The following EIF2B3 variants were observed in gnomAD, a reference collection of about 807,000 sequenced individuals.
The protein encoded by EIF2B3 is eukaryotic translation initiation factor 2B subunit gamma.
A neutral mutation model predicts 54.1 loss-of-function variants in EIF2B3; 20 were observed. That is an observed-to-expected ratio of 0.37 (90% CI 0.26 to 0.54). The LOEUF (loss-of-function observed/expected upper bound fraction) is 0.54, where lower values mean the gene tolerates loss of function less well. Among genes scored for constraint, EIF2B3 ranks in the 20% least tolerant of loss-of-function variants. The probability of loss-of-function intolerance (pLI) is 0.86; values close to 1 mark genes in which losing one functional copy is unlikely to be tolerated. For missense variants in EIF2B3, 448 were observed against 547.8 expected (o/e 0.82, Z 1.82); for synonymous variants, 153 against 188.1 (o/e 0.81, Z 1.52).
chr1:44,876,331 G>C (rs1655144286), intron 8 of EIF2B3, among the ~76,000 whole-genome samples: 1 of 146,502 alleles, frequency 6.8e-6, no homozygotes, highest in African/African-American at 2.6e-5. Context: ...CATAGTCTGG[G>C]ATGTGGGGAG....
intron 3 of EIF2B3, among the ~76,000 whole-genome samples, chr1:44,962,127 GGTTGCAGT>G (rs1252023852): frequency 6.6e-6 from 1 of 152,126 alleles, no homozygotes; most frequent in Non-Finnish European, 1.5e-5. Flanking sequence ...GGGAGGCAGA[GGTTGCAGT>G]GAGCTGAGAC....
At chr1:44,922,835 G>GTTTTTTTTT (rs1188137639) in intron 5 of EIF2B3, among the ~76,000 whole-genome samples, 3 of 72,856 alleles carry the variant, frequency 4.1e-5, no homozygotes, top group Admixed American at 1.6e-4. Flanking sequence ...TTCTTTTTCA[G>GTTTTTTTTT]ATTTTTTTTT....
chr1:44,937,256 C>G (rs552414027), intron 4 of EIF2B3: 2 of 152,290 alleles, frequency 1.3e-5, no homozygotes, highest in Non-Finnish European at 2.9e-5. Context: ...TCTTCACTTA[C>G]CTGGGGTGGG....
At position 44,879,844 on chromosome 1, in the gene EIF2B3, C is replaced by T; in HGVS notation, c.949G>A (p.Gly317Arg). 1 of 1,614,008 alleles carries T rather than the reference C, an allele frequency of 6.2e-7. No homozygotes were observed. The highest frequency in any genetic ancestry group is 1.1e-5 in the South Asian group (1 of 91,068). ...TGTCTGTTTGCTTCCATGTAGAGTC[C>T]CAGTGTGCTCACTCGAGAGCAGAGC... The part of the protein sequence containing the change: ...EGLCSRVSTL[G>R]LYMEANRQVP... The change falls in exon 8 of 12, where the codon GGA (glycine) becomes AGA (arginine). Residue 317 changes from glycine to arginine, a missense_variant. Around this residue, in one of 3 missense-constraint regions of EIF2B3, gnomAD observed 350 missense variants for 414.2 expected, o/e 0.85. Transcript: ENST00000360403.
intron 3 of EIF2B3, among the ~76,000 whole-genome samples, chr1:44,948,624 G>A (rs1480062594): frequency 6.6e-6 from 1 of 151,762 alleles, no homozygotes; most frequent in Non-Finnish European, 1.5e-5. Flanking sequence ...ATTTAAAAAG[G>A]AATAAATAAA....
intron 3 of EIF2B3, among the ~76,000 whole-genome samples, chr1:44,977,400 A>G (rs1326627938): frequency 3.9e-5 from 6 of 152,048 alleles, no homozygotes; most frequent in Non-Finnish European, 8.8e-5. Flanking sequence ...CCTCTGATTT[A>G]TACATTAACA....
At chr1:44,958,356 T>TG (rs1414759885) in intron 3 of EIF2B3, among the ~76,000 whole-genome samples, 1 of 152,196 alleles carries the variant, frequency 6.6e-6, no homozygotes, top group African/African-American at 2.4e-5. Context: ...ATAGATCCTG[T>TG]GGTTCAACTT....
At chr1:44,885,935 T>G (rs1655568321) in intron 6 of EIF2B3, among the ~76,000 whole-genome samples, 1 of 144,576 alleles carries the variant, frequency 6.9e-6, no homozygotes. Context: ...TTAGTAGAGA[T>G]GGGGTTTCAC....
chr1:44,963,444 A>AT (rs1644306286), intron 3 of EIF2B3, among the ~76,000 whole-genome samples: 1 of 151,676 alleles, frequency 6.6e-6, no homozygotes, highest in Non-Finnish European at 1.5e-5. Flanking sequence ...TAACTGTTAC[A>AT]TTTTTTGTAG....
At chr1:44,900,994 G>A (rs1038725151) in intron 5 of EIF2B3, among the ~76,000 whole-genome samples, 4 of 151,896 alleles carry the variant, frequency 2.6e-5, no homozygotes, top group African/African-American at 7.2e-5. Flanking sequence ...ACAGGGTTTC[G>A]CTCCATCACC....
chr1:44,980,676 C>CAT (rs996471736), intron 2 of EIF2B3, among the ~76,000 whole-genome samples: 16 of 152,108 alleles, frequency 1.1e-4, no homozygotes, highest in African/African-American at 3.6e-4. Flanking sequence ...AAATTTAAAA[C>CAT]ATATATATAT....
At chr1:44,953,498 C>T (rs973112873) in intron 3 of EIF2B3, among the ~76,000 whole-genome samples, 5 of 152,246 alleles carry the variant, frequency 3.3e-5, no homozygotes, top group East Asian at 1.9e-4. Context: ...CAGTTCTTGC[C>T]GGGTGCAGTG....
chr1:44,932,044 G>A (rs1346248962), intron 4 of EIF2B3, among the ~76,000 whole-genome samples: 3 of 152,062 alleles, frequency 2.0e-5, no homozygotes, highest in African/African-American at 4.8e-5. Flanking sequence ...CCCAGGAGGC[G>A]GAGGTTGCAG....
chr1:44,976,193 C>A (rs1392872886), intron 3 of EIF2B3, among the ~76,000 whole-genome samples: 1 of 152,162 alleles, frequency 6.6e-6, no homozygotes, highest in African/African-American at 2.4e-5. Context: ...AAAATATTCA[C>A]AACACATATC....
intron 3 of EIF2B3, among the ~76,000 whole-genome samples, chr1:44,953,976 T>A (rs950923309): frequency 6.6e-6 from 1 of 152,052 alleles, no homozygotes; most frequent in Non-Finnish European, 1.5e-5. Context: ...CGCTAAAAAA[T>A]TTTTAAAAAG....
rs903355228 is a variant in EIF2B3 at position 44,872,136 on chromosome 1, G to A, written c.1202+2542C>T. Among the ~76,000 whole-genome samples, 4 of 152,080 alleles carry A rather than the reference G, an allele frequency of 2.6e-5. No individual in the cohort carries two copies. The East Asian group carries it at 5.8e-4, about 22-fold the overall frequency. On this transcript the variant is annotated intron_variant, in intron 10 of 11. Transcript: ENST00000360403. ...CAGCCTTGACATACCAGACTCAGTCGGTCCTCCCATCTCAGCCTTCTGAGT... is the reference window on the plus strand; with the variant it reads ...CAGCCTTGACATACCAGACTCAGTCAGTCCTCCCATCTCAGCCTTCTGAGT...
intron 1 of EIF2B3, 36 bp from the exon 2 acceptor site, chr1:44,981,213 A>C (rs1644509585): frequency 6.2e-7 from 1 of 1,610,832 alleles, no homozygotes; most frequent in South Asian, 1.1e-5. Context: ...CAGAAAAAAA[A>C]CAATGTAACA....
chr1:44,973,464 AAGGTGGGCAGATCACTTGAGGCC>A (rs557911417), intron 3 of EIF2B3, among the ~76,000 whole-genome samples: 97 of 152,348 alleles, frequency 6.4e-4, no homozygotes, highest in African/African-American at 2.3e-3. Context: ...ACTGGAGGCC[AAGGTGGGCAGATCACTTGAGGCC>A]AGACGTTCGA....
intron 5 of EIF2B3, among the ~76,000 whole-genome samples, chr1:44,910,652 T>A (rs1197866735): frequency 8.2e-6 from 1 of 122,356 alleles, no homozygotes; most frequent in African/African-American, 3.7e-5. Flanking sequence ...TTTTTTTTTT[T>A]TTTTTAAAAG....
Sources: gnomAD v4.1 joint callset for allele counts (sites outside exome capture counted in the v4.1 genomes callset) on GRCh38, gnomAD v4.1.1 for gene constraint, gnomAD v4.1.1 regional missense constraint, MANE v1.5 for transcripts, NCBI Gene and HGNC (gene_info 2026-07-23, HGNC 2026-07-21) for gene names.